The following FLT4 variants were observed in gnomAD, a reference collection of about 807,000 sequenced individuals.
FLT4 encodes the protein fms related receptor tyrosine kinase 4.
Under a neutral mutation model 163.2 loss-of-function variants are expected in FLT4, and 30 were observed. The observed-to-expected ratio is 0.18, with a 90% CI of 0.14 to 0.25. The LOEUF is 0.25. Among genes scored for constraint, FLT4 ranks in the 10% least tolerant of loss-of-function variants. FLT4 has a pLI of 1.00. For missense variants in FLT4, 1,510 were observed against 1,863.8 expected (o/e 0.81, Z 3.50); for synonymous variants, 884 against 789.5 (o/e 1.12, Z -2.01).
chr5:180,612,596 C>A lies in FLT4; in HGVS notation c.3447G>T (p.Leu1149=). The change falls in exon 26 of 30, where the codon CTG becomes CTT. Residue 1149 remains leucine (L), a synonymous_variant. Coordinates refer to ENST00000261937, the MANE Select transcript of FLT4 (RefSeq NM_182925.5). ...LATPAIRRIM[L]NCWSGDPKAR... is the part of the protein sequence containing the mutation. Reference sequence around the variant, plus strand: ...CCTTGGGGTCTCCGGACCAGCAGTTCAGCATGATGCGGCGTCTGCAGGATC... The same window carrying A: ...CCTTGGGGTCTCCGGACCAGCAGTTAAGCATGATGCGGCGTCTGCAGGATC... The A allele has an allele frequency of 6.2e-7, 1 of 1,613,768 alleles. No individual in the cohort carries two copies. Among genetic ancestry groups the A allele is most frequent in the South Asian group, 1.1e-5 (1 of 91,070 alleles).
intron 11 of FLT4, 72 bp from the exon 12 acceptor site, chr5:180,622,911 G>C: frequency 9.9e-7 from 1 of 1,009,322 alleles, no homozygotes. Flanking sequence ...CTTTCTGCAA[G>C]GAGGTCGCTG....
rs1581683730 is a variant in FLT4, at chr5:180,631,755, T to C, written c.82A>G (p.Thr28Ala). 1.2e-6 allele frequency: 2 copies of C among 1,609,026 alleles called. No individual in the cohort carries two copies. Among genetic ancestry groups the C allele is most frequent in the Admixed American group, 3.3e-5 (2 of 59,900 alleles). The change falls in exon 2 of 30, where the codon ACC becomes GCC. Residue 28 changes from threonine to alanine, a missense_variant. By Grantham distance (58) the Thr-to-Ala change is moderately conservative. Coordinates refer to ENST00000261937, the MANE Select transcript of FLT4 (RefSeq NM_182925.5). ...LDGLVSGYSMTPPTLNITEES... is the reference protein window; with the variant it reads ...LDGLVSGYSMAPPTLNITEES... ...TCCGTGATGTTCAAGGTCGGGGGGGTCATGGAGTAGCCACTCACCAGGCCT... is the reference window on the plus strand; with the variant it reads ...TCCGTGATGTTCAAGGTCGGGGGGGCCATGGAGTAGCCACTCACCAGGCCT...
rs563520501 is a variant in FLT4, at chr5:180,636,642, C to T, written c.59-4864G>A. Among the ~76,000 whole-genome samples the T allele has an allele frequency of 3.2e-4, 49 of 152,084 alleles. No individual in the cohort carries two copies. Among genetic ancestry groups the T allele is most frequent in the Admixed American group, 9.8e-4 (15 of 15,288 alleles). On this transcript the variant is annotated intron_variant, in intron 1 of 29. Transcript: ENST00000261937. The surrounding 1 kb of genome is among the most constrained non-coding windows in gnomAD (Gnocchi z 4.3). ...CCTGGCCTCTGAGATCCCCCCTGCA[C>T]GGCCCTCACATCTTCTCCTCCTGAA...
intron 26 of FLT4, among the ~76,000 whole-genome samples, chr5:180,611,919 T>C (rs1762233122): frequency 1.3e-5 from 2 of 152,178 alleles, no homozygotes; most frequent in Admixed American, 1.3e-4. Context: ...CTAGCTGAGC[T>C]GGCAGCCTCA....
At chr5:180,642,770 G>A (rs1409040334) in intron 1 of FLT4, among the ~76,000 whole-genome samples, 1 of 152,188 alleles carries the variant, frequency 6.6e-6, no homozygotes, top group Admixed American at 6.5e-5. Context: ...TCCCAGCGCT[G>A]GAGAGAATGT....
intron 29 of FLT4, among the ~76,000 whole-genome samples, chr5:180,604,389 G>A (rs912246945): frequency 6.6e-5 from 10 of 152,242 alleles, no homozygotes; most frequent in African/African-American, 1.7e-4. Context: ...GGACACATCC[G>A]TGCATCTCCA....
intron 29 of FLT4, among the ~76,000 whole-genome samples, chr5:180,604,456 G>A (rs564421532): frequency 2.0e-4 from 30 of 152,196 alleles, no homozygotes; most frequent in African/African-American, 2.9e-4. Flanking sequence ...ACATCCTCCC[G>A]CGGACTGCTG....
chr5:180,601,825 T>C lies in FLT4; in HGVS notation c.*1367A>G, dbSNP rs1761532221. On this transcript the variant is annotated 3_prime_UTR_variant, in exon 30 of 30. Coordinates refer to ENST00000261937, the MANE Select transcript of FLT4 (RefSeq NM_182925.5). ...CGGCATATCCTGGAGTAACGCGCAG[T>C]GGGGGAGGTGGGGAGGGGAGGGTCG... 5.2e-6 allele frequency: 1 copy of C among 192,152 alleles called. No individual in the cohort carries two copies. Among genetic ancestry groups the C allele is most frequent in the East Asian group, 8.6e-5 (1 of 11,614 alleles). The allele number at this position is 192,152 out of a possible 1,614,324, so 11.9% of individuals were successfully genotyped here.
intron 24 of FLT4, chr5:180,613,363 A>C: frequency 2.2e-6 from 1 of 459,632 alleles, no homozygotes; most frequent in Non-Finnish European, 3.8e-6. Flanking sequence ...TGCCAAGAGC[A>C]TCCACCCACT....
intron 2 of FLT4, among the ~76,000 whole-genome samples, chr5:180,631,049 T>C (rs1401141644): frequency 6.9e-6 from 1 of 144,818 alleles, no homozygotes; most frequent in African/African-American, 2.6e-5. Context: ...GGTGGGGAGG[T>C]ACCCATCTCT....
intron 1 of FLT4, among the ~76,000 whole-genome samples, chr5:180,640,803 C>A (rs924982512): frequency 2.6e-5 from 4 of 152,188 alleles, no homozygotes; most frequent in South Asian, 2.1e-4. Flanking sequence ...TCATCAAATC[C>A]TCTCTGGGCC....
chr5:180,648,090 A>G (rs756091351), intron 1 of FLT4, among the ~76,000 whole-genome samples: 4 of 152,228 alleles, frequency 2.6e-5, no homozygotes, highest in Non-Finnish European at 5.9e-5. Context: ...CTCCAGGATA[A>G]GCGTCTCCCA....
chr5:180,632,785 C>T (rs1764286941), intron 1 of FLT4, among the ~76,000 whole-genome samples: 1 of 152,166 alleles, frequency 6.6e-6, no homozygotes, highest in South Asian at 2.1e-4. Flanking sequence ...CGTGTGTTCA[C>T]ACATGAGTGT....
chr5:180,603,456 T>G, intron 29 of FLT4, 66 bp from the exon 30 acceptor site: 12 of 1,436,796 alleles, frequency 8.4e-6, no homozygotes, highest in Non-Finnish European at 1.2e-5. Context: ...TGCATACTGG[T>G]AATCCCAGTA....
intron 24 of FLT4, 55 bp from the exon 25 acceptor site, chr5:180,613,165 G>T: frequency 7.7e-7 from 1 of 1,304,862 alleles, no homozygotes. Flanking sequence ...GCTCAGCCCA[G>T]CCCCCCAAGT....
In FLT4 at chr5:180,611,264, G is replaced by A. The variant is rs556692392; in HGVS notation, c.3686+67C>T. ...ATTTGCTTTTCCCCGATGACGCAGA[G>A]GGATAAAATGCACCTTGTCCACATG... On this transcript the variant is annotated intron_variant, in intron 27 of 29. Coordinates refer to ENST00000261937, the MANE Select transcript of FLT4 (RefSeq NM_182925.5). 739 of 1,572,044 alleles carry A rather than the reference G, an allele frequency of 4.7e-4. 1 individual carries two copies. Among genetic ancestry groups the A allele is most frequent in the Non-Finnish European group, 3.1e-4 (354 of 1,146,850 alleles).
Sources: allele counts gnomAD v4.1 joint callset (sites outside exome capture counted in the v4.1 genomes callset), GRCh38; gene constraint gnomAD v4.1.1; non-coding constraint Gnocchi (gnomAD v3.1); transcripts MANE v1.5; gene names NCBI Gene and HGNC (gene_info 2026-07-23, HGNC 2026-07-21).